ITGAV: variants seen among roughly 807,000 people sequenced by gnomAD.
The protein encoded by ITGAV is integrin alpha-V.
In ITGAV, 76 loss-of-function variants were observed where a neutral mutation model predicts 143.8. That is an observed-to-expected ratio of 0.53 (90% CI 0.44 to 0.64). The LOEUF (loss-of-function observed/expected upper bound fraction) is 0.64. ITGAV is among the 30% of genes least tolerant of loss of function. The probability of loss-of-function intolerance (pLI) is 0.00; values close to 1 mark genes in which losing one functional copy is unlikely to be tolerated. For synonymous variants in ITGAV, 453 were observed against 446.7 expected, an observed-to-expected ratio of 1.01 and a Z score of -0.18; for missense variants, 1,193 against 1,274.7, an observed-to-expected ratio of 0.94 and a Z score of 0.98.
At chr2:186,591,049 T>C (rs1281215189) in intron 1 of ITGAV, among the ~76,000 whole-genome samples, 2 of 152,228 alleles carry the variant, frequency 1.3e-5, no homozygotes, top group Non-Finnish European at 2.9e-5. Context: ...TCTGATGACT[T>C]AAAATGACCA....
At position 186,590,340 on chromosome 2, in the gene ITGAV, T is replaced by TGGCTTTTCCGCCGCGGCGAC. The variant is rs1686576837; in HGVS notation, c.7_26dup (p.Arg10_?9). ...TGGCGTCCCGCGCGCACTTCGGCGA[T>TGGCTTTTCCGCCGCGGCGAC]GGCTTTTCCGCCGCGGCGACGGCTG... On this transcript the variant is annotated frameshift_variant and start_lost, in exon 1 of 30. Transcript: ENST00000261023. LOFTEE classifies it high-confidence loss of function. 6.3e-7 allele frequency: 1 copy of TGGCTTTTCCGCCGCGGCGAC among 1,580,494 alleles called. No homozygotes were observed. The highest frequency in any genetic ancestry group is 8.6e-7 in the Non-Finnish European group (1 of 1,166,296).
At position 186,656,338 on chromosome 2, in the gene ITGAV, C is replaced by T; in HGVS notation, c.1656C>T (p.Ser552=). Residue 552 remains serine (S), a synonymous_variant, in exon 17 of 30, where the codon TCC becomes TCT. Transcript: ENST00000261023. ...TCTACAGCAGGTCCCCAAGTCACTCCAAGAACATGACTATTTCAAGGGGGG... is the reference window on the plus strand; with the variant it reads ...TCTACAGCAGGTCCCCAAGTCACTCTAAGAACATGACTATTTCAAGGGGGG... The part of the protein sequence containing the change: ...LFLYSRSPSH[S]KNMTISRGGL... The T allele has an allele frequency of 6.4e-7, 1 of 1,569,264 alleles. No individual in the cohort carries two copies. The highest frequency in any genetic ancestry group is 1.2e-5 in the South Asian group (1 of 83,340).
intron 24 of ITGAV, among the ~76,000 whole-genome samples, chr2:186,668,205 TATATATA>T (rs1204917319): frequency 0.042 from 915 of 21,666 alleles, 39 homozygotes; most frequent in Non-Finnish European, 0.074. Context: ...TATATATATA[TATATATA>T]TATATTTTTT....
intron 13 of ITGAV, among the ~76,000 whole-genome samples, chr2:186,648,208 T>G (rs918377847): frequency 6.6e-5 from 10 of 152,224 alleles, no homozygotes; most frequent in South Asian, 6.2e-4. Flanking sequence ...TATCTCTGAT[T>G]ATGTCATTAG....
intron 2 of ITGAV, among the ~76,000 whole-genome samples, chr2:186,612,041 C>T (rs746151586): frequency 6.6e-6 from 1 of 152,024 alleles, no homozygotes; most frequent in Non-Finnish European, 1.5e-5. Flanking sequence ...TTATGTTGTG[C>T]CCATACTAGA....
chr2:186,670,956 T>G (rs1179957404), intron 26 of ITGAV, among the ~76,000 whole-genome samples: 1 of 152,214 alleles, frequency 6.6e-6, no homozygotes, highest in Non-Finnish European at 1.5e-5. Context: ...CTCTAACACC[T>G]GGACCTCATG....
rs546375461 is a variant in ITGAV, at chr2:186,667,066, A to G, written c.2247-84A>G. The G allele has an allele frequency of 2.9e-5, 29 of 986,464 alleles. No homozygotes were observed. The South Asian group carries it at 4.8e-4, about 16-fold the overall frequency. 61.1% of individuals were successfully genotyped at this position (986,464 alleles called of 1,614,324 possible). Reference sequence around the variant, plus strand: ...AGCTTTACACTTGTTTCGTTTGTTAATTTTTAGTTTCACTGGGTTTGCCTC... The same window carrying G: ...AGCTTTACACTTGTTTCGTTTGTTAGTTTTTAGTTTCACTGGGTTTGCCTC... On this transcript the variant is annotated intron_variant, in intron 22 of 29. Coordinates refer to ENST00000261023, the MANE Select transcript of ITGAV (RefSeq NM_002210.5).
chr2:186,595,437 G>A (rs1447508613), intron 1 of ITGAV, among the ~76,000 whole-genome samples: 1 of 152,116 alleles, frequency 6.6e-6, no homozygotes, highest in Non-Finnish European at 1.5e-5. Flanking sequence ...TGGTTCCTCT[G>A]AGCCTCTTGT....
At chr2:186,634,874 T>A (rs1687910404) in intron 6 of ITGAV, among the ~76,000 whole-genome samples, 1 of 152,100 alleles carries the variant, frequency 6.6e-6, no homozygotes, top group Non-Finnish European at 1.5e-5. Flanking sequence ...GGGAAGGAAG[T>A]ATCTGATGAG....
At chr2:186,636,376 T>C (rs1364572198) in intron 7 of ITGAV, among the ~76,000 whole-genome samples, 169 bp downstream of exon 7, 3 of 152,196 alleles carry the variant, frequency 2.0e-5, no homozygotes, top group Admixed American at 2.0e-4. Context: ...TTATGTTACG[T>C]TTCAGTAATT....
chr2:186,595,276 A>G (rs1574456370), intron 1 of ITGAV, among the ~76,000 whole-genome samples: 1 of 152,358 alleles, frequency 6.6e-6, no homozygotes, highest in East Asian at 1.9e-4. Flanking sequence ...AAAGCAGACA[A>G]ACAAGTTAGT....
intron 5 of ITGAV, 101 bp downstream of exon 5, chr2:186,630,959 TA>T: frequency 1.7e-6 from 1 of 572,820 alleles, no homozygotes; most frequent in Non-Finnish European, 3.2e-6. Context: ...TTACAGCTGT[TA>T]GCTCTTTAAT....
intron 4 of ITGAV, among the ~76,000 whole-genome samples, chr2:186,628,017 A>T (rs1237270153): frequency 6.6e-6 from 1 of 152,128 alleles, no homozygotes. Context: ...TCAGGAGCGG[A>T]AGTCTGAGAA....
intron 1 of ITGAV, among the ~76,000 whole-genome samples, chr2:186,596,230 A>G (rs1686745679): frequency 6.6e-6 from 1 of 152,228 alleles, no homozygotes. Context: ...CAGAGATTCA[A>G]AGTTACTGCT....
rs566275592 is a variant in ITGAV, at chr2:186,605,115, G to C, written c.316+2964G>C. On this transcript the variant is annotated intron_variant, in intron 2 of 29. Transcript: ENST00000261023. ...CGTATATCAGCACTAGTTAAAATGTGACCTCTAGGCCTGAAGGCAGCGATT... is the reference window on the plus strand; with the variant it reads ...CGTATATCAGCACTAGTTAAAATGTCACCTCTAGGCCTGAAGGCAGCGATT... Among the ~76,000 whole-genome samples the C allele has an allele frequency of 2.6e-5, 4 of 152,316 alleles. No homozygotes were observed. The South Asian group carries it at 8.3e-4, about 32-fold the overall frequency.
Position 186,649,835 on chromosome 2 carries a change from T to C in ITGAV, c.1352-5T>C. 2 of 1,582,708 alleles carry C rather than the reference T, an allele frequency of 1.3e-6. No homozygotes were observed. The highest frequency in any genetic ancestry group is 3.4e-4 in the Middle Eastern group (2 of 5,900). ...TATTAACATGTTTTTCCACTCTTTC[T>C]TAAGACTTAATTGTAGGAGCTTTTG... is the stretch of plus-strand genomic sequence containing the variant. On this transcript the variant is annotated splice_region_variant and splice_polypyrimidine_tract_variant and intron_variant, in intron 13 of 29. Coordinates refer to ENST00000261023, the MANE Select transcript of ITGAV (RefSeq NM_002210.5).
At chr2:186,677,028 G>A (rs985410158) in intron 29 of ITGAV, 93 bp downstream of exon 29, 1 of 1,360,878 alleles carries the variant, frequency 7.3e-7, no homozygotes, top group South Asian at 1.2e-5. Context: ...AGGGAAGGAA[G>A]AAAGGGACTG....
chr2:186,671,673 G>C (rs1357654727), intron 26 of ITGAV, among the ~76,000 whole-genome samples: 1 of 152,018 alleles, frequency 6.6e-6, no homozygotes, highest in Non-Finnish European at 1.5e-5. Flanking sequence ...GCATAATTTA[G>C]TGTTTTTTAG....
chr2:186,667,155 A>T lies in ITGAV; in HGVS notation c.2252A>T (p.Asn751Ile), dbSNP rs772750590. The T allele has an allele frequency of 1.2e-5, 20 of 1,607,302 alleles. No individual in the cohort carries two copies. In the East Asian group the frequency reaches 4.5e-4, roughly 36 times the overall value. Residue 751 changes from asparagine (N) to isoleucine (I), a missense_variant, in exon 23 of 30, where the codon AAT becomes ATT. Transcript: ENST00000261023. Reference protein sequence around the residue: ...VKFDLQIQSSNLFDKVSPVVS... With the variant: ...VKFDLQIQSSILFDKVSPVVS... Reference sequence around the variant, plus strand: ...TTTTTTTTTTTCTTTTTCAGCTCAAATCTATTTGACAAAGTAAGCCCAGTT... The same window carrying T: ...TTTTTTTTTTTCTTTTTCAGCTCAATTCTATTTGACAAAGTAAGCCCAGTT...
Sources: allele counts gnomAD v4.1 joint callset (sites outside exome capture counted in the v4.1 genomes callset), GRCh38; gene constraint gnomAD v4.1.1; transcripts MANE v1.5; gene names NCBI Gene and HGNC (gene_info 2026-07-23, HGNC 2026-07-21).